Variants in SLC7A8 observed in about 807,000 individuals in gnomAD.
SLC7A8 encodes the protein solute carrier family 7 member 8.
In SLC7A8, 30 loss-of-function variants were observed where a neutral mutation model predicts 51.2. The observed-to-expected ratio is 0.59, with a 90% confidence interval of 0.44 to 0.80. The LOEUF (loss-of-function observed/expected upper bound fraction) is 0.80, where lower values mean the gene tolerates loss of function less well. SLC7A8 is among the 30% of genes least tolerant of loss of function. The probability of loss-of-function intolerance (pLI) is 0.00; values close to 1 mark genes in which losing one functional copy is unlikely to be tolerated. For synonymous variants in SLC7A8, 257 were observed against 275.8 expected (o/e 0.93, Z 0.67); for missense variants, 612 against 674.4 (o/e 0.91, Z 1.03).
chr14:23,157,109 A>G (rs2048898141), intron 3 of SLC7A8, among the ~76,000 whole-genome samples: 1 of 152,218 alleles, frequency 6.6e-6, no homozygotes, highest in Non-Finnish European at 1.5e-5. Context: ...AGAGGGGTCA[A>G]CTTGACCAGT....
At chr14:23,149,159 A>C (rs2048824386) in intron 3 of SLC7A8, among the ~76,000 whole-genome samples, 1 of 152,218 alleles carries the variant, frequency 6.6e-6, no homozygotes, top group African/African-American at 2.4e-5. Flanking sequence ...CACTTCTTCC[A>C]GCTTCCCAAC....
chr14:23,145,157 T>A (rs974701413), intron 3 of SLC7A8, among the ~76,000 whole-genome samples: 1 of 150,970 alleles, frequency 6.6e-6, no homozygotes, highest in African/African-American at 2.4e-5. Flanking sequence ...CCTGATCTCA[T>A]GATCCTCAGC....
intron 7 of SLC7A8, among the ~76,000 whole-genome samples, chr14:23,132,511 G>A (rs1594817204): frequency 1.3e-5 from 2 of 151,784 alleles, no homozygotes; most frequent in Admixed American, 6.6e-5. Flanking sequence ...GAGCCCAGAA[G>A]TTCAAAGCCA....
intron 3 of SLC7A8, among the ~76,000 whole-genome samples, chr14:23,147,434 G>A (rs1030722893): frequency 2.0e-5 from 3 of 152,208 alleles, no homozygotes; most frequent in African/African-American, 7.2e-5. Flanking sequence ...GAAGCTAGTG[G>A]GCATCTATGA....
chr14:23,154,286 C>A (rs772365084), intron 3 of SLC7A8: 40 of 1,000,306 alleles, frequency 4.0e-5, no homozygotes, highest in Admixed American at 6.1e-5. Context: ...ACTTCTCTGC[C>A]TTCTGCCACG....
chr14:23,127,947 C>CTGGTGG lies in SLC7A8; in HGVS notation c.1441+71_1441+72insCCACCA, dbSNP rs1392837424. On this transcript the variant is annotated intron_variant, in intron 10 of 10. Transcript: ENST00000316902. ...TAGATCTCCTGGCCCTGGTGGCTCC[C>CTGGTGG]CAACCCCATCACTGACCACTGCATT... 7 of 1,436,184 alleles carry CTGGTGG rather than the reference C, an allele frequency of 4.9e-6. No homozygotes were observed. In the Admixed American group the frequency reaches 1.3e-4, roughly 27 times the overall value. The allele number at this position is 1,436,184 out of a possible 1,614,324, so 89.0% of individuals were successfully genotyped here. A position where few individuals can be genotyped will look rare whatever the true frequency, so the allele number is the denominator to read the frequency against.
chr14:23,147,713 A>G (rs1478263299), intron 3 of SLC7A8, among the ~76,000 whole-genome samples: 2 of 152,188 alleles, frequency 1.3e-5, no homozygotes, highest in Non-Finnish European at 1.5e-5. Context: ...AAGACTATTA[A>G]GAAGACAAGA....
At chr14:23,132,740 ATTC>A (rs1365722475) in intron 7 of SLC7A8, among the ~76,000 whole-genome samples, 1 of 151,030 alleles carries the variant, frequency 6.6e-6, no homozygotes, top group Non-Finnish European at 1.5e-5. Flanking sequence ...GGTTCAAGCG[ATTC>A]TTCTGCCTCA....
chr14:23,129,743 A>G lies in SLC7A8; in HGVS notation c.1170T>C (p.Tyr390=), dbSNP rs7157021. 0.56 allele frequency: 906,142 copies of G among 1,613,758 alleles called. 258,629 individuals carry two copies. Among genetic ancestry groups the G allele is most frequent in the East Asian group, 0.8 (35,803 of 44,866 alleles). The change falls in exon 9 of 11, where the codon TAT becomes TAC. Residue 390 remains tyrosine, a synonymous_variant. Transcript: ENST00000316902. ...VTSDMYTLIN[Y]VGFINYLFYG... is the part of the protein sequence containing the mutation. ...AGAAGAGGTAGTTGATGAAGCCCAC[A>G]TAGTTGATGAGTGTGTACATGTCGC... is the stretch of plus-strand genomic sequence containing the variant.
chr14:23,144,478 T>C (rs1305541426), intron 3 of SLC7A8, among the ~76,000 whole-genome samples: 1 of 152,118 alleles, frequency 6.6e-6, no homozygotes, highest in Non-Finnish European at 1.5e-5. Context: ...CAAATCTTCT[T>C]TGGTGGCATG....
At chr14:23,180,125 CTTG>C (rs1877105137) in intron 1 of SLC7A8, among the ~76,000 whole-genome samples, 1 of 152,142 alleles carries the variant, frequency 6.6e-6, no homozygotes, top group Non-Finnish European at 1.5e-5. Context: ...CCAGGATGGT[CTTG>C]ATCTCCTGAC....
chr14:23,143,001 T>C (rs2048758887), intron 4 of SLC7A8, 78 bp downstream of exon 4: 7 of 1,561,284 alleles, frequency 4.5e-6, no homozygotes, highest in East Asian at 2.3e-5. Context: ...GTGGCATACT[T>C]CCAAAGCTGG....
At chr14:23,164,178 G>A (rs930679835) in intron 3 of SLC7A8, among the ~76,000 whole-genome samples, 2 of 152,138 alleles carry the variant, frequency 1.3e-5, no homozygotes, top group Non-Finnish European at 2.9e-5. Flanking sequence ...CCTAACCACA[G>A]TATCTGTCTA....
chr14:23,157,600 A>C (rs2048900914), intron 3 of SLC7A8, among the ~76,000 whole-genome samples: 1 of 152,178 alleles, frequency 6.6e-6, no homozygotes, highest in South Asian at 2.1e-4. Flanking sequence ...TATACTGAAC[A>C]ACCTGTAGTT....
Position 23,183,039 on chromosome 14 carries a change from C to T in SLC7A8, c.-125G>A, listed in dbSNP as rs550959745. 6.8e-5 allele frequency: 70 copies of T among 1,030,182 alleles called. No individual in the cohort carries two copies. The highest frequency in any genetic ancestry group is 9.0e-5 in the Non-Finnish European group (66 of 735,426). 63.8% of individuals were successfully genotyped at this position (1,030,182 alleles called of 1,614,324 possible). On this transcript the variant is annotated 5_prime_UTR_variant, in exon 1 of 11. Coordinates refer to ENST00000316902, the MANE Select transcript of SLC7A8 (RefSeq NM_012244.4). ...CCGAAATAGGAACCACTGCTACTCT[C>T]TAAAAAAGGCAAGCAGATAAAAGAG...
chr14:23,172,798 C>T (rs1294354036), intron 1 of SLC7A8, among the ~76,000 whole-genome samples: 1 of 152,220 alleles, frequency 6.6e-6, no homozygotes, highest in Non-Finnish European at 1.5e-5. Context: ...AGGATAGCTT[C>T]CCACAACAAA....
rs1018958798 is a variant in SLC7A8 at position 23,149,701 on chromosome 14, G to A, written c.509-6497C>T. Among the ~76,000 whole-genome samples, 9 of 152,104 alleles carry A rather than the reference G, an allele frequency of 5.9e-5. No homozygotes were observed. In the South Asian group the frequency reaches 1.2e-3, roughly 21 times the overall value. ...GGAAGAGCTTGTCCTGTATCCTTCC[G>A]GGCTCAGTCAACCCATTTTTAACCC... On this transcript the variant is annotated intron_variant, in intron 3 of 10. Transcript: ENST00000316902.
intron 1 of SLC7A8, among the ~76,000 whole-genome samples, chr14:23,174,973 C>T (rs1001573249): frequency 6.6e-6 from 1 of 152,210 alleles, no homozygotes; most frequent in African/African-American, 2.4e-5. Flanking sequence ...CCATCTCCCT[C>T]TCCTACAATA....
intron 6 of SLC7A8, among the ~76,000 whole-genome samples, chr14:23,138,916 C>T (rs758251130): frequency 6.6e-6 from 1 of 152,196 alleles, no homozygotes; most frequent in Non-Finnish European, 1.5e-5. Flanking sequence ...AGCAAGGTGC[C>T]TCCCAGGTCC....
Sources: allele counts gnomAD v4.1 joint callset (sites outside exome capture counted in the v4.1 genomes callset), GRCh38; gene constraint gnomAD v4.1.1; transcripts MANE v1.5; gene names NCBI Gene and HGNC (gene_info 2026-07-23, HGNC 2026-07-21).